The following KHDRBS3 variants were observed in gnomAD, a reference collection of about 807,000 sequenced individuals.
KHDRBS3 encodes the protein KH RNA binding domain containing, signal transduction associated 3, also known as KH domain-containing, RNA-binding, signal transduction-associated protein 3.
A neutral mutation model predicts 45.6 loss-of-function variants in KHDRBS3; 23 were observed. The observed-to-expected ratio is 0.50, with a 90% CI of 0.36 to 0.72. KHDRBS3 has a LOEUF of 0.72. Ranked by LOEUF, KHDRBS3 falls within the 30% of genes least tolerant of loss-of-function variation. The pLI is 0.00. For synonymous variants in KHDRBS3, 162 were observed against 156.5 expected, an observed-to-expected ratio of 1.04 and a Z score of -0.26; for missense variants, 352 against 424.8, an observed-to-expected ratio of 0.83 and a Z score of 1.51.
intron 4 of KHDRBS3, among the ~76,000 whole-genome samples, chr8:135,550,316 C>T (rs992991533): frequency 2.5e-4 from 38 of 152,104 alleles, no homozygotes; most frequent in Non-Finnish European, 5.3e-4. Flanking sequence ...AAAGTCTTTG[C>T]CTAATGAAGG....
intron 5 of KHDRBS3, 64 bp from the exon 6 acceptor site, chr8:135,581,814 T>A (rs891312948): frequency 3.1e-5 from 37 of 1,208,364 alleles, no homozygotes; most frequent in Non-Finnish European, 3.8e-5. Flanking sequence ...GGTATAAATA[T>A]ATGTGAATAA....
chr8:135,588,525 G>C (rs886924528), intron 6 of KHDRBS3, among the ~76,000 whole-genome samples: 2 of 152,086 alleles, frequency 1.3e-5, no homozygotes, highest in African/African-American at 4.8e-5. Context: ...GAGGTCAAAG[G>C]TGGGACAGCA....
chr8:135,564,194 C>T (rs2130859285), intron 5 of KHDRBS3, among the ~76,000 whole-genome samples: 1 of 152,242 alleles, frequency 6.6e-6, no homozygotes, highest in African/African-American at 2.4e-5. Context: ...TCATATGTTA[C>T]TGATTTTCAT....
intron 6 of KHDRBS3, among the ~76,000 whole-genome samples, chr8:135,591,499 T>C (rs868255682): frequency 3.1e-4 from 47 of 152,154 alleles, no homozygotes; most frequent in African/African-American, 1.1e-3. Flanking sequence ...CTGTGTGTTC[T>C]CCAGCTTCAT....
intron 4 of KHDRBS3, among the ~76,000 whole-genome samples, chr8:135,654,414 A>G (rs994241243): frequency 6.6e-6 from 1 of 152,230 alleles, no homozygotes; most frequent in Non-Finnish European, 1.5e-5. Context: ...AAAGAAACCT[A>G]TCTAAATGCT....
At chr8:135,574,011 A>G (rs1361526363) in intron 5 of KHDRBS3, among the ~76,000 whole-genome samples, 2 of 152,194 alleles carry the variant, frequency 1.3e-5, no homozygotes, top group African/African-American at 4.8e-5. Flanking sequence ...AAAAAGTGTC[A>G]TTGATTATCA....
At chr8:135,506,841 T>C (rs1335784185) in intron 1 of KHDRBS3, among the ~76,000 whole-genome samples, 1 of 152,192 alleles carries the variant, frequency 6.6e-6, no homozygotes, top group Non-Finnish European at 1.5e-5. Flanking sequence ...TGTTTTTTTT[T>C]ACTGACAAAT....
chr8:135,642,349 G>A (rs1053829616), intron 7 of KHDRBS3, among the ~76,000 whole-genome samples: 3 of 152,196 alleles, frequency 2.0e-5, no homozygotes, highest in Non-Finnish European at 2.9e-5. Context: ...CAGCTGCCTC[G>A]TCTATAAAAG....
downstream of KHDRBS3, chr8:135,647,821 T>C (rs919030597): frequency 3.3e-5 from 5 of 152,198 alleles, no homozygotes; most frequent in African/African-American, 1.2e-4. Flanking sequence ...AGAGTCCAAA[T>C]GGTATCGAGC....
chr8:135,606,668 T>A (rs1293390240), intron 6 of KHDRBS3, among the ~76,000 whole-genome samples: 1 of 151,868 alleles, frequency 6.6e-6, no homozygotes, highest in Non-Finnish European at 1.5e-5. Context: ...TTCAGCCATT[T>A]AAAAAAAAGA....
chr8:135,586,934 G>A (rs370746785), intron 6 of KHDRBS3, among the ~76,000 whole-genome samples: 5 of 152,080 alleles, frequency 3.3e-5, no homozygotes, highest in Non-Finnish European at 7.4e-5. Flanking sequence ...CAGAAAGTAT[G>A]CATTTCAATC....
intron 1 of KHDRBS3, among the ~76,000 whole-genome samples, chr8:135,498,423 A>G (rs559862326): frequency 6.7e-6 from 1 of 149,680 alleles, no homozygotes; most frequent in East Asian, 1.9e-4. Flanking sequence ...CTTAGTTTAC[A>G]TGTCCTTTCT....
At chr8:135,466,498 T>TA (rs1341653691) in intron 1 of KHDRBS3, among the ~76,000 whole-genome samples, 2 of 152,252 alleles carry the variant, frequency 1.3e-5, no homozygotes, top group Non-Finnish European at 2.9e-5. Context: ...TAGTCTGACT[T>TA]ACGGTTACTG....
At chr8:135,557,052 GC>G (rs1826922380) in intron 4 of KHDRBS3, among the ~76,000 whole-genome samples, 1 of 152,110 alleles carries the variant, frequency 6.6e-6, no homozygotes, top group Non-Finnish European at 1.5e-5. Flanking sequence ...TGGGTGCTGG[GC>G]TATGGCTTAA....
intron 5 of KHDRBS3, among the ~76,000 whole-genome samples, chr8:135,580,605 C>CTCTCT (rs1554633539): frequency 2.3e-5 from 3 of 128,874 alleles, no homozygotes; most frequent in Admixed American, 8.1e-5. Flanking sequence ...CTCTCTCTCT[C>CTCTCT]TTTTTTTTTT....
At chr8:135,560,865 G>A (rs779824184) in intron 5 of KHDRBS3, among the ~76,000 whole-genome samples, 52 of 152,074 alleles carry the variant, frequency 3.4e-4, no homozygotes, top group Admixed American at 5.2e-4. Flanking sequence ...GCGTACTTAC[G>A]GTTACCACCT....
chr8:135,458,185 T>TGA lies in KHDRBS3; in HGVS notation c.88+234_88+235dup, dbSNP rs775049813. 1,420 of 1,304,000 alleles carry TGA rather than the reference T, an allele frequency of 1.1e-3. 8 individuals carry two copies. In the Middle Eastern group the frequency reaches 0.025, roughly 23 times the overall value. 80.8% of individuals were successfully genotyped at this position (1,304,000 alleles called of 1,614,324 possible). ...GAAGGAGAAGGCTGGGGCGCATGGG[T>TGA]GAGACTTGAAGGAAATCTTTGGGGA... On this transcript the variant is annotated intron_variant, in intron 1 of 8. Coordinates refer to ENST00000355849, the MANE Select transcript of KHDRBS3 (RefSeq NM_006558.3).
chr8:135,569,676 G>A (rs953011796), intron 5 of KHDRBS3, among the ~76,000 whole-genome samples: 1 of 152,166 alleles, frequency 6.6e-6, no homozygotes, highest in African/African-American at 2.4e-5. Context: ...TGAGCCGCAT[G>A]GTCTCTGGGC....
intron 6 of KHDRBS3, among the ~76,000 whole-genome samples, chr8:135,594,804 C>A (rs567133835): frequency 6.6e-6 from 1 of 152,250 alleles, no homozygotes; most frequent in South Asian, 2.1e-4. Flanking sequence ...GTACACTGCT[C>A]CAGCCACTTT....
Sources: allele counts gnomAD v4.1 joint callset (sites outside exome capture counted in the v4.1 genomes callset), GRCh38; gene constraint gnomAD v4.1.1; transcripts MANE v1.5; gene names NCBI Gene and HGNC (gene_info 2026-07-23, HGNC 2026-07-21).